The following MAP4K4 variants were observed in gnomAD, a reference collection of about 807,000 sequenced individuals.
The protein encoded by MAP4K4 is HPK/GCK-like kinase HGK.
Under a neutral mutation model 189.6 loss-of-function variants are expected in MAP4K4, and 38 were observed. The ratio of observed to expected loss-of-function variants is 0.20; its 90% CI spans 0.15 to 0.26. The LOEUF (loss-of-function observed/expected upper bound fraction) is 0.26, where lower values mean the gene tolerates loss of function less well. Ranked by LOEUF, MAP4K4 falls within the 10% of genes least tolerant of loss-of-function variation. The pLI, the probability that MAP4K4 is intolerant of heterozygous loss-of-function variation, is 1.00. For missense variants in MAP4K4, 1,054 were observed against 1,726.9 expected (o/e 0.61, Z 6.91); for synonymous variants, 610 against 624.3 (o/e 0.98, Z 0.34).
intron 2 of MAP4K4, among the ~76,000 whole-genome samples, chr2:101,734,005 A>G (rs1488886179): frequency 1.3e-5 from 2 of 152,186 alleles, no homozygotes; most frequent in Non-Finnish European, 2.9e-5. Flanking sequence ...GCACCTGTGT[A>G]TGTTTCATAA....
At chr2:101,722,590 T>G (rs1473374130) in intron 2 of MAP4K4, among the ~76,000 whole-genome samples, 1 of 152,232 alleles carries the variant, frequency 6.6e-6, no homozygotes, top group East Asian at 1.9e-4. Context: ...ATTTTCTGAT[T>G]AGCTTAAAGT....
At chr2:101,794,678 T>C (rs2148872192) in intron 3 of MAP4K4, among the ~76,000 whole-genome samples, 1 of 152,350 alleles carries the variant, frequency 6.6e-6, no homozygotes, top group Non-Finnish European at 1.5e-5. Context: ...TACATTCATA[T>C]ATCTTTGCTT....
At chr2:101,809,004 G>C (rs1031644267) in intron 3 of MAP4K4, among the ~76,000 whole-genome samples, 10 of 152,168 alleles carry the variant, frequency 6.6e-5, no homozygotes, top group African/African-American at 2.2e-4. Context: ...AAAGCCCCCA[G>C]TCAAATGTGT....
chr2:101,870,996 GT>G (rs1028548266), intron 23 of MAP4K4, among the ~76,000 whole-genome samples: 49 of 152,248 alleles, frequency 3.2e-4, no homozygotes, highest in Admixed American at 9.8e-4. Flanking sequence ...ATAACTGTCT[GT>G]TCATTTCTTA....
chr2:101,733,653 TAGAA>T (rs1353173756), intron 2 of MAP4K4, among the ~76,000 whole-genome samples: 3 of 152,128 alleles, frequency 2.0e-5, no homozygotes, highest in African/African-American at 7.2e-5. Context: ...CATGGGACAG[TAGAA>T]AGAATGGAGG....
chr2:101,877,217 T>C, intron 27 of MAP4K4, 71 bp downstream of exon 27: 1 of 1,475,236 alleles, frequency 6.8e-7, no homozygotes, highest in Non-Finnish European at 9.4e-7. Context: ...CACACTAAAC[T>C]TCAGTTAGCT....
intron 2 of MAP4K4, among the ~76,000 whole-genome samples, chr2:101,704,565 ATATTTTTTTTTTTT>A (rs1285413113): frequency 7.4e-5 from 3 of 40,358 alleles, no homozygotes; most frequent in South Asian, 1.6e-3. Flanking sequence ...ATATATATAT[ATATTTTTTTTTTTT>A]TTTTTTTTTT....
chr2:101,867,417 C>T (rs143202294), intron 20 of MAP4K4, 108 bp downstream of exon 20: 1 of 764,352 alleles, frequency 1.3e-6, no homozygotes, highest in East Asian at 2.7e-5. Context: ...GGGCCCCTCA[C>T]AGATTTGAGG....
intron 3 of MAP4K4, among the ~76,000 whole-genome samples, chr2:101,803,245 A>ATGATGTGTGTG (rs1553484242): frequency 2.0e-4 from 30 of 150,244 alleles, no homozygotes; most frequent in African/African-American, 5.7e-4. Context: ...GATGATGATG[A>ATGATGTGTGTG]TGTGTGTGTG....
At chr2:101,879,233 T>A (rs2098307664) in intron 27 of MAP4K4, among the ~76,000 whole-genome samples, 1 of 145,600 alleles carries the variant, frequency 6.9e-6, no homozygotes. Context: ...ATAATTATAA[T>A]CAGCTGATAC....
At chr2:101,820,817 G>A (rs1388873636) in intron 3 of MAP4K4, among the ~76,000 whole-genome samples, 2 of 152,168 alleles carry the variant, frequency 1.3e-5, no homozygotes, top group Admixed American at 1.3e-4. Context: ...CAGGCTCGAT[G>A]TGCCCCATGA....
chr2:101,714,517 C>G (rs2047386743), intron 2 of MAP4K4, among the ~76,000 whole-genome samples: 1 of 152,160 alleles, frequency 6.6e-6, no homozygotes, highest in South Asian at 2.1e-4. Flanking sequence ...TGTTATATAA[C>G]TAATCATAAT....
chr2:101,767,599 G>A (rs2079165467), intron 2 of MAP4K4, among the ~76,000 whole-genome samples: 1 of 152,180 alleles, frequency 6.6e-6, no homozygotes, highest in African/African-American at 2.4e-5. Context: ...GTACACCAGT[G>A]CTAATCATTT....
chr2:101,860,925 CT>C lies in MAP4K4; in HGVS notation c.1810del (p.Ser604ProfsTer99). ...CCACCAGTGCCTTCCCGATCAGAGT[CT>C]TTTTCCAATGGCAACTCCGAGTCTG... On this transcript the variant is annotated frameshift_variant, in exon 16 of 33. Coordinates refer to ENST00000324219, the Ensembl canonical transcript of MAP4K4. LOFTEE classifies it high-confidence loss of function. 2 of 1,606,932 alleles carry C rather than the reference CT, an allele frequency of 1.2e-6. No homozygotes were observed. The highest frequency in any genetic ancestry group is 1.1e-5 in the South Asian group (1 of 89,444).
At chr2:101,867,489 T>C in intron 20 of MAP4K4, 180 bp downstream of exon 20, 1 of 573,188 alleles carries the variant, frequency 1.7e-6, no homozygotes, top group South Asian at 2.1e-5. Context: ...ATCGTCTGCT[T>C]TCCCTGTATA....
At chr2:101,735,304 A>G (rs1033383239) in intron 2 of MAP4K4, among the ~76,000 whole-genome samples, 1 of 152,134 alleles carries the variant, frequency 6.6e-6, no homozygotes, top group African/African-American at 2.4e-5. Flanking sequence ...TAAACTTCTG[A>G]CTAATCATTT....
At chr2:101,861,511 C>G (rs1258895944) in intron 16 of MAP4K4, 1 of 152,734 alleles carries the variant, frequency 6.5e-6, no homozygotes, top group African/African-American at 2.4e-5. Flanking sequence ...CAGATTCTCA[C>G]AGGGTTCAAG....
intron 2 of MAP4K4, among the ~76,000 whole-genome samples, chr2:101,744,755 C>G (rs569890388): frequency 6.6e-6 from 1 of 152,262 alleles, no homozygotes; most frequent in South Asian, 2.1e-4. Context: ...CTTTGCTGAT[C>G]TGTTCATCCT....
At chr2:101,728,981 A>G (rs1023319660) in intron 2 of MAP4K4, among the ~76,000 whole-genome samples, 2 of 152,160 alleles carry the variant, frequency 1.3e-5, no homozygotes, top group Non-Finnish European at 2.9e-5. Flanking sequence ...GTGTTGCACA[A>G]ATGTTCAGTT....
Sources: gnomAD v4.1 joint callset for allele counts (sites outside exome capture counted in the v4.1 genomes callset) on GRCh38, gnomAD v4.1.1 for gene constraint, MANE v1.5 for transcripts, NCBI Gene and HGNC (gene_info 2026-07-23, HGNC 2026-07-21) for gene names.